The following ANK2 variants were observed in gnomAD, a reference collection of about 807,000 sequenced individuals.
The protein encoded by ANK2 is ankyrin-2.
ANK2 carries 83 observed loss-of-function variants against 360.5 expected under a neutral mutation model. The ratio of observed to expected loss-of-function variants is 0.23; its 90% CI spans 0.19 to 0.28. The LOEUF is 0.28. Ranked by LOEUF, ANK2 falls within the 10% of genes least tolerant of loss-of-function variation. ANK2 has a pLI of 1.00. For missense variants in ANK2, 4,201 were observed against 4,795.7 expected (o/e 0.88, Z 3.66); for synonymous variants, 1,740 against 1,759.5 (o/e 0.99, Z 0.28).
At chr4:113,114,000 A>T (rs1562162945) in intron 1 of ANK2, among the ~76,000 whole-genome samples, 1 of 152,192 alleles carries the variant, frequency 6.6e-6, no homozygotes, top group South Asian at 2.1e-4. Context: ...TAAAAGGATT[A>T]TGTGCTACTA....
At chr4:113,265,735 A>G (rs1009779946) in intron 14 of ANK2, among the ~76,000 whole-genome samples, 1 of 152,152 alleles carries the variant, frequency 6.6e-6, no homozygotes, top group Non-Finnish European at 1.5e-5. Flanking sequence ...TGTACCTTCT[A>G]TTTCCTTTTC....
At chr4:112,951,572 T>C (rs1444701720) in intron 2 of ANK2, among the ~76,000 whole-genome samples, 1 of 152,218 alleles carries the variant, frequency 6.6e-6, no homozygotes, top group African/African-American at 2.4e-5. Context: ...TAGTGGATGA[T>C]GATTGGTTTG....
intron 25 of ANK2, 30 bp downstream of exon 25, chr4:113,317,839 C>T (rs377701956): frequency 4.5e-6 from 7 of 1,553,706 alleles, no homozygotes; most frequent in African/African-American, 2.7e-5. Flanking sequence ...CATGTCTTTG[C>T]TTTCTGGAGA....
chr4:112,763,569 G>GT, the ANK2 span, among the ~76,000 whole-genome samples: 3 of 143,214 alleles, frequency 2.1e-5, no homozygotes, highest in Non-Finnish European at 4.5e-5. Context: ...GTCTCGCTCT[G>GT]TTGCCCAGGC....
intron 1 of ANK2, among the ~76,000 whole-genome samples, chr4:112,887,998 A>C (rs770712629): frequency 3.9e-5 from 6 of 152,126 alleles, no homozygotes; most frequent in Non-Finnish European, 7.4e-5. Flanking sequence ...GTTTCAAGAA[A>C]AGCCTGCAGA....
chr4:113,277,543 G>A (rs1177429798), intron 15 of ANK2, among the ~76,000 whole-genome samples: 1 of 152,050 alleles, frequency 6.6e-6, no homozygotes, highest in Admixed American at 6.6e-5. Context: ...TCACAAATTG[G>A]AGCCAGTTTA....
chr4:113,030,536 A>G (rs1347604662), intron 2 of ANK2, among the ~76,000 whole-genome samples: 1 of 152,066 alleles, frequency 6.6e-6, no homozygotes, highest in East Asian at 1.9e-4. Context: ...AAAATCCTAT[A>G]CAGAAAAGTG....
chr4:112,950,214 TC>T (rs941672863), intron 2 of ANK2, among the ~76,000 whole-genome samples: 21 of 152,262 alleles, frequency 1.4e-4, no homozygotes, highest in Middle Eastern at 6.8e-3. Flanking sequence ...ATGCCTTTTT[TC>T]CCCCAGTGCC....
intron 1 of ANK2, among the ~76,000 whole-genome samples, chr4:112,890,283 G>T (rs548889671): frequency 1.3e-5 from 2 of 152,208 alleles, no homozygotes; most frequent in Non-Finnish European, 2.9e-5. Flanking sequence ...TTCCTTTCCT[G>T]TTCCCTCAAG....
intron 17 of ANK2, among the ~76,000 whole-genome samples, chr4:113,282,046 A>G (rs2062615279): frequency 6.6e-6 from 1 of 152,214 alleles, no homozygotes; most frequent in Non-Finnish European, 1.5e-5. Flanking sequence ...GCACTCAGTA[A>G]TATTTGTTGA....
chr4:113,307,113 T>C (rs2077563705), intron 23 of ANK2, among the ~76,000 whole-genome samples: 1 of 152,178 alleles, frequency 6.6e-6, no homozygotes, highest in Admixed American at 6.5e-5. Flanking sequence ...CATGGATTCT[T>C]GAGTGGGTGG....
intron 4 of ANK2, among the ~76,000 whole-genome samples, chr4:113,229,299 C>T (rs941538364): frequency 1.3e-5 from 2 of 152,158 alleles, no homozygotes; most frequent in African/African-American, 4.8e-5. Context: ...TTGCCTTTCT[C>T]AGCTTCTAAC....
intron 1 of ANK2, among the ~76,000 whole-genome samples, chr4:113,061,940 C>G (rs183242592): frequency 6.6e-6 from 1 of 151,982 alleles, no homozygotes; most frequent in Admixed American, 6.6e-5. Context: ...GCATTGCATG[C>G]CTGTATCAAA....
Position 113,373,091 on chromosome 4 carries a change from G to T in ANK2, c.11612G>T (p.Gly3871Val). The T allele has an allele frequency of 6.2e-7, 1 of 1,613,892 alleles. No homozygotes were observed. The highest frequency in any genetic ancestry group is 8.5e-7 in the Non-Finnish European group (1 of 1,179,786). ...RLDEDAAFEK[G>V]DDMPEIPPET... is the part of the protein sequence containing the mutation. ...GACCCTTTTCTCTCAACTGTTTAGG[G>T]AGACGATATGCCTGAAATACCCCCA... Residue 3871 changes from glycine (G) to valine (V), a missense_variant and splice_region_variant, in exon 44 of 46, where the codon GGA (glycine) becomes GTA (valine). Physicochemically the swap from Gly to Val is moderately radical, Grantham distance 109. Around this residue, in one of 4 missense-constraint regions of ANK2, gnomAD observed 2,642 missense variants for 2,714.5 expected, o/e 0.97. Transcript: ENST00000357077.
At chr4:112,834,860 A>T (rs979260118) in intron 1 of ANK2, among the ~76,000 whole-genome samples, 4 of 152,180 alleles carry the variant, frequency 2.6e-5, no homozygotes, top group African/African-American at 9.7e-5. Context: ...TTCTTTGAGA[A>T]ACTGGCTCAT....
chr4:113,249,382 T>G (rs2044815397), intron 9 of ANK2, among the ~76,000 whole-genome samples: 1 of 152,130 alleles, frequency 6.6e-6, no homozygotes, highest in Admixed American at 6.6e-5. Flanking sequence ...ATAATCCCTG[T>G]TTTCGGTTCC....
chr4:112,988,159 T>C (rs1432747367), intron 2 of ANK2, among the ~76,000 whole-genome samples: 9 of 152,312 alleles, frequency 5.9e-5, no homozygotes, highest in African/African-American at 2.2e-4. Context: ...TTTTAGAAAT[T>C]GTTAAAGAAG....
chr4:113,381,094 G>A (rs546073507), intron 45 of ANK2, among the ~76,000 whole-genome samples: 1 of 152,192 alleles, frequency 6.6e-6, no homozygotes, highest in African/African-American at 2.4e-5. Flanking sequence ...TACTATTTCA[G>A]AATTAACCAA....
intron 15 of ANK2, among the ~76,000 whole-genome samples, chr4:113,275,483 A>T (rs952154041): frequency 9.2e-5 from 14 of 152,318 alleles, no homozygotes; most frequent in East Asian, 5.8e-4. Context: ...TCTCATAATC[A>T]GTAGGTATAA....
Sources: gnomAD v4.1 joint callset for allele counts (sites outside exome capture counted in the v4.1 genomes callset) on GRCh38, gnomAD v4.1.1 for gene constraint, gnomAD v4.1.1 regional missense constraint, MANE v1.5 for transcripts, NCBI Gene and HGNC (gene_info 2026-07-23, HGNC 2026-07-21) for gene names.